Variants in ADAMTS3 observed in about 807,000 individuals in gnomAD.
ADAMTS3 encodes A disintegrin and metalloproteinase with thrombospondin motifs 3.
A neutral mutation model predicts 129.0 loss-of-function variants in ADAMTS3; 73 were observed. The observed-to-expected ratio is 0.57, with a 90% CI of 0.47 to 0.69. The LOEUF (loss-of-function observed/expected upper bound fraction) is 0.69. Ranked by LOEUF, ADAMTS3 falls within the 30% of genes least tolerant of loss-of-function variation. The probability of loss-of-function intolerance (pLI) is 0.00; values close to 1 mark genes in which losing one functional copy is unlikely to be tolerated. For missense variants in ADAMTS3, 1,457 were observed against 1,514.5 expected (o/e 0.96, Z 0.63); for synonymous variants, 477 against 510.8 (o/e 0.93, Z 0.89).
intron 4 of ADAMTS3, among the ~76,000 whole-genome samples, chr4:72,347,582 C>T (rs190164939): frequency 1.3e-3 from 203 of 152,066 alleles, no homozygotes; most frequent in Admixed American, 3.8e-3. Flanking sequence ...TATTCTTTTT[C>T]AGCTAAATCA....
chr4:72,376,959 G>T (rs1052006984), intron 4 of ADAMTS3, among the ~76,000 whole-genome samples: 1 of 152,162 alleles, frequency 6.6e-6, no homozygotes, highest in Middle Eastern at 3.4e-3. Flanking sequence ...CACTGAAGTG[G>T]CATGAATAAA....
At position 72,402,500 on chromosome 4, in the gene ADAMTS3, T is replaced by G. The variant is rs2109910557; in HGVS notation, c.661+12315A>C. ...TCACAGTTTTTGAAGGCATAAAATA[T>G]AAACACTCAGTTTATCTCTAATAAG... On this transcript the variant is annotated intron_variant, in intron 4 of 21. Transcript: ENST00000286657. Among the ~76,000 whole-genome samples, 2 of 152,268 alleles carry G rather than the reference T, an allele frequency of 1.3e-5. 1 individual carries two copies. The highest frequency in any genetic ancestry group is 2.9e-5 in the Non-Finnish European group (2 of 67,980).
chr4:72,408,194 T>C (rs1214408370), intron 4 of ADAMTS3, among the ~76,000 whole-genome samples: 2 of 152,200 alleles, frequency 1.3e-5, no homozygotes, highest in African/African-American at 4.8e-5. Flanking sequence ...AAAAATATTA[T>C]TTCAGAGCCA....
intron 4 of ADAMTS3, among the ~76,000 whole-genome samples, chr4:72,359,184 A>G (rs1720657334): frequency 6.6e-6 from 1 of 152,000 alleles, no homozygotes; most frequent in Non-Finnish European, 1.5e-5. Context: ...ACATTCAACA[A>G]AATTAATTTT....
intron 4 of ADAMTS3, among the ~76,000 whole-genome samples, chr4:72,413,004 G>A (rs962176849): frequency 3.3e-5 from 5 of 151,808 alleles, no homozygotes; most frequent in East Asian, 1.9e-4. Context: ...ATATACATAC[G>A]CTGTTAATTT....
At chr4:72,474,433 A>G (rs1472829595) in intron 3 of ADAMTS3, among the ~76,000 whole-genome samples, 1 of 152,192 alleles carries the variant, frequency 6.6e-6, no homozygotes, top group Non-Finnish European at 1.5e-5. Flanking sequence ...TCATTTGGAA[A>G]GGCTCAACAG....
rs2109814906 is a variant in ADAMTS3 at position 72,568,858 on chromosome 4, G to T, written c.-96C>A. On this transcript the variant is annotated 5_prime_UTR_variant, in exon 1 of 22. Transcript: ENST00000286657. ...AAATAAGTTTCTTTAAGAAAAAAAG[G>T]AAAAGGGAAAAAATGCGAAATAGAA... 1 of 843,352 alleles carries T rather than the reference G, an allele frequency of 1.2e-6. No homozygotes were observed. The highest frequency in any genetic ancestry group is 1.8e-6 in the Non-Finnish European group (1 of 567,544). The allele number at this position is 843,352 out of a possible 1,614,324, so 52.2% of individuals were successfully genotyped here.
chr4:72,373,716 T>C (rs1035827961), intron 4 of ADAMTS3, among the ~76,000 whole-genome samples: 1 of 151,836 alleles, frequency 6.6e-6, no homozygotes, highest in Non-Finnish European at 1.5e-5. Flanking sequence ...CTGGGTAACA[T>C]GGTGAAACCC....
chr4:72,325,249 C>G (rs1312204941), intron 5 of ADAMTS3, among the ~76,000 whole-genome samples: 1 of 152,020 alleles, frequency 6.6e-6, no homozygotes, highest in Non-Finnish European at 1.5e-5. Flanking sequence ...AAGAAAAAGT[C>G]AATGTTAGAC....
chr4:72,511,076 G>A (rs1040336330), intron 3 of ADAMTS3, among the ~76,000 whole-genome samples: 2 of 152,078 alleles, frequency 1.3e-5, no homozygotes, highest in African/African-American at 4.8e-5. Flanking sequence ...ATATCCATAT[G>A]CAGAAGAATA....
intron 4 of ADAMTS3, among the ~76,000 whole-genome samples, chr4:72,355,695 C>T (rs561625174): frequency 6.6e-6 from 1 of 152,098 alleles, no homozygotes; most frequent in African/African-American, 2.4e-5. Flanking sequence ...TGGCCTTCAC[C>T]AGATAGCGGT....
intron 3 of ADAMTS3, among the ~76,000 whole-genome samples, chr4:72,498,341 C>A (rs532316986): frequency 6.6e-6 from 1 of 151,746 alleles, no homozygotes; most frequent in Non-Finnish European, 1.5e-5. Flanking sequence ...ACGAGCTCTA[C>A]TCACAGTAAT....
At chr4:72,419,951 A>T (rs986448668) in intron 3 of ADAMTS3, among the ~76,000 whole-genome samples, 2 of 152,160 alleles carry the variant, frequency 1.3e-5, no homozygotes, top group Non-Finnish European at 2.9e-5. Context: ...TTCTCTGATG[A>T]TTAAGTGCCA....
chr4:72,433,162 G>T (rs1455691467), intron 3 of ADAMTS3, among the ~76,000 whole-genome samples: 5 of 151,876 alleles, frequency 3.3e-5, no homozygotes, highest in Non-Finnish European at 7.4e-5. Context: ...ATGAATGTCA[G>T]CTCCTGATCA....
intron 4 of ADAMTS3, among the ~76,000 whole-genome samples, chr4:72,343,582 T>C (rs1166176066): frequency 6.6e-6 from 1 of 152,170 alleles, no homozygotes; most frequent in Non-Finnish European, 1.5e-5. Flanking sequence ...AAACAACCTT[T>C]GAGCCTTTAG....
intron 3 of ADAMTS3, among the ~76,000 whole-genome samples, chr4:72,538,554 G>A (rs1721239312): frequency 6.6e-6 from 1 of 151,870 alleles, no homozygotes; most frequent in South Asian, 2.1e-4. Context: ...AATTGAGGGA[G>A]AAGTTAAGAC....
intron 3 of ADAMTS3, among the ~76,000 whole-genome samples, chr4:72,526,500 A>G (rs915845608): frequency 2.7e-5 from 4 of 150,918 alleles, no homozygotes; most frequent in Non-Finnish European, 5.9e-5. Flanking sequence ...ACTAATAAAT[A>G]TATAGAATAT....
intron 3 of ADAMTS3, among the ~76,000 whole-genome samples, chr4:72,474,219 A>T (rs1051510225): frequency 1.3e-5 from 2 of 152,230 alleles, no homozygotes; most frequent in African/African-American, 4.8e-5. Flanking sequence ...AAAAAAGACA[A>T]TTAATAGATG....
intron 3 of ADAMTS3, among the ~76,000 whole-genome samples, chr4:72,537,453 T>C (rs1456804054): frequency 6.6e-6 from 1 of 152,168 alleles, no homozygotes; most frequent in Admixed American, 6.5e-5. Context: ...GATTGAATAC[T>C]AGGATAGTCA....
Sources: allele counts gnomAD v4.1 joint callset (sites outside exome capture counted in the v4.1 genomes callset), GRCh38; gene constraint gnomAD v4.1.1; transcripts MANE v1.5; gene names NCBI Gene and HGNC (gene_info 2026-07-23, HGNC 2026-07-21).